Variants in LRRC41 observed in about 807,000 individuals in gnomAD.
LRRC41 encodes leucine-rich repeat-containing protein 41.
Under a neutral mutation model 72.1 loss-of-function variants are expected in LRRC41, and 17 were observed. The ratio of observed to expected loss-of-function variants is 0.24; its 90% CI spans 0.16 to 0.35. The LOEUF (loss-of-function observed/expected upper bound fraction) is 0.35. LRRC41 is among the 10% of genes least tolerant of loss of function. LRRC41 has a pLI of 1.00. For synonymous variants in LRRC41, 427 were observed against 431.0 expected, an observed-to-expected ratio of 0.99 and a Z score of 0.11; for missense variants, 759 against 1,065.0, an observed-to-expected ratio of 0.71 and a Z score of 4.00.
Position 46,285,937 on chromosome 1 carries a change from T to C in LRRC41, c.920A>G (p.Lys307Arg), listed in dbSNP as rs1660876557. Residue 307 changes from lysine to arginine, a missense_variant, in exon 4 of 10, where the codon AAG (lysine) becomes AGG (arginine). Lys to Arg is a conservative substitution (Grantham distance 26). Coordinates refer to ENST00000617190, the MANE Select transcript of LRRC41 (RefSeq NM_006369.5). This position sits in a 1 kb window ranked among gnomAD's most constrained non-coding sequence, Gnocchi z 5.3. ...TCTGGGCATCTGCTTGGCTTCACTC[T>C]TACGCCGGCTGGCCATCAGGGCTGC... Reference protein sequence around the residue: ...CAAALMASRRKSEAKQMPRAA... With the variant: ...CAAALMASRRRSEAKQMPRAA... 10 of 1,534,470 alleles carry C rather than the reference T, an allele frequency of 6.5e-6. No individual in the cohort carries two copies. The highest frequency in any genetic ancestry group is 8.8e-6 in the Non-Finnish European group (10 of 1,142,270).
chr1:46,302,171 G>A lies in LRRC41; in HGVS notation c.199+953C>T. 5.1e-6 allele frequency: 5 copies of A among 985,316 alleles called. No individual in the cohort carries two copies. The highest frequency in any genetic ancestry group is 6.0e-6 in the Non-Finnish European group (5 of 829,864). The allele number at this position is 985,316 out of a possible 1,614,324, so 61.0% of individuals were successfully genotyped here. A position where few individuals can be genotyped will look rare whatever the true frequency, so the allele number is the denominator to read the frequency against. The stretch of plus-strand genomic sequence containing the variant: ...GGCCCTTTGGTCCCGGCCGCCTTCA[G>A]GCCTGGGGCCCCCGTTCACTCCCAT... On this transcript the variant is annotated intron_variant, in intron 1 of 9. Coordinates refer to ENST00000617190, the MANE Select transcript of LRRC41 (RefSeq NM_006369.5). This position sits in a 1 kb window ranked among gnomAD's most constrained non-coding sequence, Gnocchi z 4.7.
rs998141032 is a variant in LRRC41 at position 46,278,540 on chromosome 1, G to A, written c.*325C>T. On this transcript the variant is annotated 3_prime_UTR_variant, in exon 10 of 10. Coordinates refer to ENST00000617190, the MANE Select transcript of LRRC41 (RefSeq NM_006369.5). ...CCCCCTATACTTCTCTAAAGCCTGGGTGCCTGCTTGAGGAGGGAAGGCAGG... is the reference window on the plus strand; with the variant it reads ...CCCCCTATACTTCTCTAAAGCCTGGATGCCTGCTTGAGGAGGGAAGGCAGG... 1 of 616,620 alleles carries A rather than the reference G, an allele frequency of 1.6e-6. No homozygotes were observed. The highest frequency in any genetic ancestry group is 2.8e-6 in the Non-Finnish European group (1 of 353,234). 38.2% of individuals were successfully genotyped at this position (616,620 alleles called of 1,614,324 possible). A position where few individuals can be genotyped will look rare whatever the true frequency, so the allele number is the denominator to read the frequency against.
At chr1:46,299,939 T>C (rs1433098494) in intron 1 of LRRC41, 1 of 152,156 alleles carries the variant, frequency 6.6e-6, no homozygotes, top group Non-Finnish European at 1.5e-5. Flanking sequence ...ATGACATTGT[T>C]GTGAAGATCA....
chr1:46,296,269 T>C (rs573236542), intron 3 of LRRC41, among the ~76,000 whole-genome samples: 1 of 152,156 alleles, frequency 6.6e-6, no homozygotes, highest in Non-Finnish European at 1.5e-5. Flanking sequence ...ACAAAAAAAT[T>C]AGCTGGGTGT....
chr1:46,292,914 G>A (rs972302342), intron 3 of LRRC41, among the ~76,000 whole-genome samples: 1 of 152,052 alleles, frequency 6.6e-6, no homozygotes, highest in Non-Finnish European at 1.5e-5. Context: ...GGCTGGGCAC[G>A]GTGGCTCACG....
At chr1:46,303,057 C>G in intron 1 of LRRC41, 67 bp downstream of exon 1, 1 of 1,344,276 alleles carries the variant, frequency 7.4e-7, no homozygotes. Flanking sequence ...CCTCGCCCCC[C>G]GCGCCCCCCG....
At position 46,279,713 on chromosome 1, in the gene LRRC41, AGGCCC is replaced by A; in HGVS notation, c.2021-104_2021-100del. 1 of 1,386,156 alleles carries A rather than the reference AGGCCC, an allele frequency of 7.2e-7. No individual in the cohort carries two copies. The allele number at this position is 1,386,156 out of a possible 1,614,324, so 85.9% of individuals were successfully genotyped here. A position where few individuals can be genotyped will look rare whatever the true frequency, so the allele number is the denominator to read the frequency against. On this transcript the variant is annotated intron_variant, in intron 7 of 9. Coordinates refer to ENST00000617190, the MANE Select transcript of LRRC41 (RefSeq NM_006369.5). This position sits in a 1 kb window ranked among gnomAD's most constrained non-coding sequence, Gnocchi z 4.5. ...CTAGCAAGGGGTATTAACATTATAGAGGCCCAAAAAGAGGAAGGAATTTGTCTAGA... is the reference window on the plus strand; with the variant it reads ...CTAGCAAGGGGTATTAACATTATAGAAAAAAGAGGAAGGAATTTGTCTAGA...
intron 3 of LRRC41, among the ~76,000 whole-genome samples, chr1:46,291,521 G>A (rs1661015179): frequency 6.8e-6 from 1 of 146,086 alleles, no homozygotes; most frequent in East Asian, 2.1e-4. Flanking sequence ...TTTTTCTGTA[G>A]AGATAAGGTC....
At chr1:46,287,553 C>CCCTT (rs1157398413) in intron 3 of LRRC41, among the ~76,000 whole-genome samples, 2 of 152,200 alleles carry the variant, frequency 1.3e-5, no homozygotes, top group Non-Finnish European at 2.9e-5. Flanking sequence ...CTCCCTACTG[C>CCCTT]CCTTCCACCC....
At position 46,278,826 on chromosome 1, in the gene LRRC41, T is replaced by G; in HGVS notation, c.*39A>C. The stretch of plus-strand genomic sequence containing the variant: ...AGCCCATGCTTCAGCCCCTGCAAGC[T>G]GATGGTACCGAGCATGAGACTGTGA... On this transcript the variant is annotated 3_prime_UTR_variant, in exon 10 of 10. Coordinates refer to ENST00000617190, the MANE Select transcript of LRRC41 (RefSeq NM_006369.5). The G allele has an allele frequency of 6.3e-7, 1 of 1,584,610 alleles. No homozygotes were observed. Among genetic ancestry groups the G allele is most frequent in the South Asian group, 1.1e-5 (1 of 90,330 alleles).
intron 3 of LRRC41, among the ~76,000 whole-genome samples, chr1:46,296,172 T>C (rs1661122048): frequency 1.3e-5 from 2 of 152,194 alleles, no homozygotes; most frequent in South Asian, 4.1e-4. Context: ...CCCAGCACTT[T>C]TGGAGGCCGA....
At chr1:46,282,530 T>C (rs76328321) in intron 4 of LRRC41, among the ~76,000 whole-genome samples, 2 of 152,286 alleles carry the variant, frequency 1.3e-5, no homozygotes, top group African/African-American at 4.8e-5. Flanking sequence ...GGGAATAAAG[T>C]ACTATGAAAT....
In LRRC41 at chr1:46,278,621, C is replaced by T; in HGVS notation, c.*244G>A. 2 of 607,808 alleles carry T rather than the reference C, an allele frequency of 3.3e-6. No individual in the cohort carries two copies. The highest frequency in any genetic ancestry group is 4.1e-5 in the South Asian group (2 of 48,880). The allele number at this position is 607,808 out of a possible 1,614,324, so 37.7% of individuals were successfully genotyped here. A position where few individuals can be genotyped will look rare whatever the true frequency, so the allele number is the denominator to read the frequency against. ...GCAATTATGATGACCACTGTAACCT[C>T]CTGGCCCAGGGTTCCCAGGATACTG... On this transcript the variant is annotated 3_prime_UTR_variant, in exon 10 of 10. Coordinates refer to ENST00000617190, the MANE Select transcript of LRRC41 (RefSeq NM_006369.5).
intron 3 of LRRC41, among the ~76,000 whole-genome samples, chr1:46,296,545 T>C (rs1661130746): frequency 6.6e-6 from 1 of 152,202 alleles, no homozygotes; most frequent in Non-Finnish European, 1.5e-5. Context: ...GTTTATTGAA[T>C]TAAATCTACC....
rs373249111 is a variant in LRRC41 at position 46,279,317 on chromosome 1, C to T, written c.2144-60G>A. 3.8e-6 allele frequency: 6 copies of T among 1,592,348 alleles called. No individual in the cohort carries two copies. Among genetic ancestry groups the T allele is most frequent in the Non-Finnish European group, 5.2e-6 (6 of 1,160,480 alleles). On this transcript the variant is annotated intron_variant, in intron 8 of 9. Coordinates refer to ENST00000617190, the MANE Select transcript of LRRC41 (RefSeq NM_006369.5). The surrounding 1 kb of genome is among the most constrained non-coding windows in gnomAD (Gnocchi z 4.5). The stretch of plus-strand genomic sequence containing the variant: ...CCAAGAACAGGGGACAAGGGTATCC[C>T]AACCCAACTATGGCTGGCAGAACCA...
chr1:46,281,274 A>C lies in LRRC41; in HGVS notation c.1607T>G (p.Ile536Ser). Residue 536 changes from isoleucine (I) to serine (S), a missense_variant, in exon 5 of 10, where the codon ATC (isoleucine) becomes AGC (serine). Transcript: ENST00000617190. ...HLSDLFSPLP[I>S]LELTRAIVRA... Reference sequence around the variant, plus strand: ...CACGATAGCACGTGTCAGCTCCAGGATGGGCAGTGGTGAGAACAGGTCACT... The same window carrying C: ...CACGATAGCACGTGTCAGCTCCAGGCTGGGCAGTGGTGAGAACAGGTCACT... The C allele has an allele frequency of 6.2e-7, 1 of 1,614,132 alleles. No individual in the cohort carries two copies. Among genetic ancestry groups the C allele is most frequent in the Non-Finnish European group, 8.5e-7 (1 of 1,180,010 alleles).
In LRRC41 at chr1:46,298,295, G is replaced by A; in HGVS notation, c.275C>T (p.Ala92Val). 1 of 1,605,678 alleles carries A rather than the reference G, an allele frequency of 6.2e-7. No individual in the cohort carries two copies. The highest frequency in any genetic ancestry group is 8.5e-7 in the Non-Finnish European group (1 of 1,173,634). ...IYYLERIEETALKKGLSTQAI... is the reference protein window; with the variant it reads ...IYYLERIEETVLKKGLSTQAI... ...AGAAAGATACTCACCTTTCTTGAGG[G>A]CAGTTTCCTCAATCCTCTCCAAGTA... Residue 92 changes from alanine to valine, a missense_variant, in exon 2 of 10, where the codon GCC becomes GTC. Ala to Val is a moderately conservative substitution (Grantham distance 64). Transcript: ENST00000617190.
chr1:46,278,196 C>G lies in LRRC41; in HGVS notation c.*669G>C, dbSNP rs1241123511. 2 of 1,613,844 alleles carry G rather than the reference C, an allele frequency of 1.2e-6. No individual in the cohort carries two copies. The highest frequency in any genetic ancestry group is 3.3e-5 in the Admixed American group (2 of 59,980). On this transcript the variant is annotated 3_prime_UTR_variant, in exon 10 of 10. Transcript: ENST00000617190. ...TAAGTGGGGGCTCCGGGATGAGGTA[C>G]TCCAGGCTGCCTGGGATGCTGCCTC...
chr1:46,290,916 G>GTTTTTTT lies in LRRC41; in HGVS notation c.358-4424_358-4418dup, dbSNP rs71062750. Among the ~76,000 whole-genome samples, 44 of 65,714 alleles carry GTTTTTTT rather than the reference G, an allele frequency of 6.7e-4. 6 individuals are homozygous for GTTTTTTT. In the South Asian group the frequency reaches 7.6e-3, roughly 11 times the overall value. 43.1% of individuals were successfully genotyped at this position (65,714 alleles called of 152,430 possible). ...AGCCACCATGCCCGGCCTGTTTCTA[G>GTTTTTTT]TTTTTTTTTTTTTTTTTTTTTTTTT... On this transcript the variant is annotated intron_variant, in intron 3 of 9. Coordinates refer to ENST00000617190, the MANE Select transcript of LRRC41 (RefSeq NM_006369.5).
Sources: gnomAD v4.1 joint callset for allele counts (sites outside exome capture counted in the v4.1 genomes callset) on GRCh38, gnomAD v4.1.1 for gene constraint, Gnocchi (gnomAD v3.1) non-coding constraint, MANE v1.5 for transcripts, NCBI Gene and HGNC (gene_info 2026-07-23, HGNC 2026-07-21) for gene names.